MCC: variants seen among roughly 807,000 people sequenced by gnomAD.
The protein encoded by MCC is colorectal mutant cancer protein.
In MCC, 90 loss-of-function variants were observed where a neutral mutation model predicts 116.2. That is an observed-to-expected ratio of 0.77 (90% CI 0.65 to 0.92). MCC has a LOEUF of 0.92. Ranked by LOEUF, MCC falls within the 40% of genes least tolerant of loss-of-function variation. MCC has a pLI of 0.00. For missense variants in MCC, 1,516 were observed against 1,312.2 expected (o/e 1.16, Z -2.40); for synonymous variants, 578 against 510.5 (o/e 1.13, Z -1.78).
At chr5:113,079,868 G>C (rs1225680203) in intron 11 of MCC, among the ~76,000 whole-genome samples, 3 of 152,170 alleles carry the variant, frequency 2.0e-5, no homozygotes, top group Non-Finnish European at 4.4e-5. Flanking sequence ...GAGTGAACAG[G>C]CAACCTACAG....
chr5:113,044,673 C>T (rs1751952171), intron 16 of MCC, among the ~76,000 whole-genome samples: 1 of 152,204 alleles, frequency 6.6e-6, no homozygotes, highest in Admixed American at 6.5e-5. Context: ...CTCCTGGGTT[C>T]AAGCGATTCT....
chr5:113,150,216 T>A (rs1291542434), intron 4 of MCC, among the ~76,000 whole-genome samples: 2 of 152,164 alleles, frequency 1.3e-5, no homozygotes, highest in East Asian at 3.8e-4. Context: ...GGCTGCCATT[T>A]TTGACAAGAA....
intron 3 of MCC, among the ~76,000 whole-genome samples, chr5:113,278,934 C>A (rs1440083335): frequency 2.0e-5 from 3 of 152,140 alleles, no homozygotes; most frequent in African/African-American, 7.2e-5. Context: ...TCTCTTTTTG[C>A]AAGCTGGCCT....
At chr5:113,077,172 C>A (rs1247449693) in intron 11 of MCC, among the ~76,000 whole-genome samples, 1 of 152,088 alleles carries the variant, frequency 6.6e-6, no homozygotes, top group Non-Finnish European at 1.5e-5. Context: ...CCTTAGAGAC[C>A]TACAAAGAGA....
At chr5:113,405,467 A>G (rs913999821) in intron 1 of MCC, among the ~76,000 whole-genome samples, 2 of 152,172 alleles carry the variant, frequency 1.3e-5, no homozygotes, top group Non-Finnish European at 2.9e-5. Flanking sequence ...TCTGCCAGGC[A>G]AGGTGGTTTG....
chr5:113,257,331 C>G (rs1765047023), intron 3 of MCC, among the ~76,000 whole-genome samples: 1 of 151,918 alleles, frequency 6.6e-6, no homozygotes, highest in Admixed American at 6.6e-5. Flanking sequence ...ACAAGGAAAT[C>G]AGGAGAGAGA....
chr5:113,265,116 C>G lies in MCC; in HGVS notation c.627+75403G>C, dbSNP rs551519464. ...CTGTGACTTTTATCTTACCATGGGA[C>G]AGTTGAGTAGTAATGTCAGAGACCA... is the stretch of plus-strand genomic sequence containing the variant. On this transcript the variant is annotated intron_variant, in intron 3 of 18. Coordinates refer to ENST00000408903, the MANE Select transcript of MCC (RefSeq NM_001085377.2). 5.9e-5 allele frequency among the ~76,000 whole-genome samples: 9 copies of G among 152,192 alleles called. No homozygotes were observed. The South Asian group carries it at 1.9e-3, about 32-fold the overall frequency.
chr5:113,326,225 C>T (rs17135568), intron 3 of MCC, among the ~76,000 whole-genome samples: 7,189 of 152,202 alleles, frequency 0.047, 581 homozygotes, highest in African/African-American at 0.16. Flanking sequence ...AGGTTATTTC[C>T]GGTTCCACAG....
At chr5:113,466,358 G>A (rs1346885660) in intron 1 of MCC, among the ~76,000 whole-genome samples, 27 of 102,294 alleles carry the variant, frequency 2.6e-4, no homozygotes, top group African/African-American at 9.8e-4. Context: ...AACACTTCCC[G>A]ATGTGTGATG....
chr5:113,331,242 G>A (rs1429542851), intron 3 of MCC, among the ~76,000 whole-genome samples: 2 of 148,918 alleles, frequency 1.3e-5, no homozygotes, highest in Admixed American at 1.3e-4. Context: ...TGTTCTGGCT[G>A]AACATTCACT....
chr5:113,043,816 C>CCGGT (rs1451899038), intron 16 of MCC, among the ~76,000 whole-genome samples, 186 bp from the exon 17 acceptor site: 1 of 152,268 alleles, frequency 6.6e-6, no homozygotes, highest in Non-Finnish European at 1.5e-5. Context: ...TGCTCCCAGA[C>CCGGT]CGCTGGCTCC....
At chr5:113,444,720 A>G (rs1771156845) in intron 1 of MCC, among the ~76,000 whole-genome samples, 1 of 152,126 alleles carries the variant, frequency 6.6e-6, no homozygotes, top group African/African-American at 2.4e-5. Flanking sequence ...AAAGGCTTGT[A>G]TTGTTCATCA....
chr5:113,292,578 C>CA (rs34767261), intron 3 of MCC, among the ~76,000 whole-genome samples: 19,001 of 151,622 alleles, frequency 0.13, 1,316 homozygotes, highest in Non-Finnish European at 0.17. Flanking sequence ...TACAACTAGG[C>CA]AAAAAAAATG....
chr5:113,188,967 G>A (rs75782995), intron 3 of MCC, among the ~76,000 whole-genome samples: 8,448 of 152,258 alleles, frequency 0.055, 275 homozygotes, highest in African/African-American at 0.069. Context: ...ATGTGAGAAG[G>A]GGAACCCTTG....
At chr5:113,144,927 G>A (rs1759401984) in intron 4 of MCC, among the ~76,000 whole-genome samples, 1 of 152,176 alleles carries the variant, frequency 6.6e-6, no homozygotes, top group Non-Finnish European at 1.5e-5. Flanking sequence ...GATCAAGGTT[G>A]AATGAGGGGC....
chr5:113,097,371 TA>T (rs779298717), intron 8 of MCC, among the ~76,000 whole-genome samples: 1 of 152,206 alleles, frequency 6.6e-6, no homozygotes, highest in Non-Finnish European at 1.5e-5. Context: ...ATACATTCAT[TA>T]AAAACATAAA....
At chr5:113,102,984 C>T (rs1048325375) in intron 7 of MCC, among the ~76,000 whole-genome samples, 13 of 152,110 alleles carry the variant, frequency 8.5e-5, no homozygotes, top group Admixed American at 5.2e-4. Flanking sequence ...CGTGGTGGCG[C>T]CCGCCTGTAA....
At chr5:113,481,126 T>C (rs1436076199) in intron 1 of MCC, among the ~76,000 whole-genome samples, 1 of 152,150 alleles carries the variant, frequency 6.6e-6, no homozygotes, top group African/African-American at 2.4e-5. Flanking sequence ...TTTAAACAAT[T>C]TGAATATGAA....
At chr5:113,142,728 C>T (rs1225837804) in intron 5 of MCC, among the ~76,000 whole-genome samples, 1 of 152,182 alleles carries the variant, frequency 6.6e-6, no homozygotes, top group African/African-American at 2.4e-5. Context: ...AAAATATAAT[C>T]AGATTATCTG....
Sources: allele counts gnomAD v4.1 joint callset (sites outside exome capture counted in the v4.1 genomes callset), GRCh38; gene constraint gnomAD v4.1.1; transcripts MANE v1.5; gene names NCBI Gene and HGNC (gene_info 2026-07-23, HGNC 2026-07-21).